Variants in SND1 observed in about 807,000 individuals in gnomAD.
SND1 encodes staphylococcal nuclease and tudor domain containing 1, also known as staphylococcal nuclease domain-containing protein 1.
SND1 carries 38 observed loss-of-function variants against 121.7 expected under a neutral mutation model. The ratio of observed to expected loss-of-function variants is 0.31; its 90% CI spans 0.24 to 0.41. The LOEUF is 0.41. Ranked by LOEUF, SND1 falls within the 10% of genes least tolerant of loss-of-function variation. SND1 has a pLI of 1.00. For synonymous variants in SND1, 401 were observed against 447.4 expected, an observed-to-expected ratio of 0.90 and a Z score of 1.31; for missense variants, 868 against 1,184.6, an observed-to-expected ratio of 0.73 and a Z score of 3.92.
intron 15 of SND1, among the ~76,000 whole-genome samples, chr7:127,961,787 C>T (rs762541383): frequency 6.6e-6 from 1 of 152,174 alleles, no homozygotes; most frequent in African/African-American, 2.4e-5. Context: ...ATGCCAGTGT[C>T]CACTCCCTCG....
chr7:128,020,731 G>A lies in SND1; in HGVS notation c.1779+29675G>A, dbSNP rs150815574. On this transcript the variant is annotated intron_variant, in intron 16 of 23. Transcript: ENST00000354725. Reference sequence around the variant, plus strand: ...TGGATGTGGACTTACACATGAAGGGGGAAGGATTAAGGAAAGGGAAAGCCT... The same window carrying A: ...TGGATGTGGACTTACACATGAAGGGAGAAGGATTAAGGAAAGGGAAAGCCT... Among the ~76,000 whole-genome samples the A allele has an allele frequency of 3.9e-5, 6 of 152,134 alleles. No individual in the cohort carries two copies. The East Asian group carries it at 7.7e-4, about 20-fold the overall frequency.
In SND1 at chr7:127,981,769, C is replaced by T. The variant is rs77559594; in HGVS notation, c.1670-9178C>T. Among the ~76,000 whole-genome samples the T allele has an allele frequency of 5.9e-3, 895 of 152,266 alleles. 15 individuals are homozygous for T. Among genetic ancestry groups the T allele is most frequent in the African/African-American group, 0.021 (853 of 41,526 alleles). On this transcript the variant is annotated intron_variant, in intron 15 of 23. Transcript: ENST00000354725. ...GAGAGCAAGATATTCAGTATAAGGC[C>T]TCTAAGTCATCCCTTCCTTGCCTCT...
chr7:127,799,180 C>T (rs1000926683), intron 10 of SND1, among the ~76,000 whole-genome samples: 1 of 152,172 alleles, frequency 6.6e-6, no homozygotes, highest in Non-Finnish European at 1.5e-5. Flanking sequence ...TGACAACCAC[C>T]GACAGGTGGT....
intron 10 of SND1, among the ~76,000 whole-genome samples, chr7:127,772,127 C>T (rs548906521): frequency 6.6e-6 from 1 of 152,232 alleles, no homozygotes; most frequent in Admixed American, 6.5e-5. Flanking sequence ...ACATATATGT[C>T]AGTGAAAACT....
intron 15 of SND1, among the ~76,000 whole-genome samples, chr7:127,955,691 T>C (rs745360003): frequency 5.3e-5 from 8 of 152,158 alleles, no homozygotes; most frequent in Non-Finnish European, 1.0e-4. Flanking sequence ...ATAGAATCAG[T>C]TTATTCCAGT....
At chr7:127,776,670 G>A (rs1797625815) in intron 10 of SND1, among the ~76,000 whole-genome samples, 1 of 152,166 alleles carries the variant, frequency 6.6e-6, no homozygotes, top group African/African-American at 2.4e-5. Flanking sequence ...AAGAAATTAA[G>A]GAGAAGAGAG....
intron 15 of SND1, among the ~76,000 whole-genome samples, chr7:127,960,438 A>G (rs1185837517): frequency 6.6e-6 from 1 of 152,202 alleles, no homozygotes; most frequent in Non-Finnish European, 1.5e-5. Flanking sequence ...GGAGGTTGAT[A>G]CTGTTCCTCC....
intron 11 of SND1, among the ~76,000 whole-genome samples, chr7:127,837,144 C>T (rs909114171): frequency 5.3e-5 from 8 of 151,982 alleles, no homozygotes; most frequent in African/African-American, 1.7e-4. Context: ...ATAAAACATA[C>T]GTTCACAGGG....
chr7:127,780,222 CTTATGTGTT>C (rs1797695797), intron 10 of SND1, among the ~76,000 whole-genome samples: 1 of 152,132 alleles, frequency 6.6e-6, no homozygotes, highest in Non-Finnish European at 1.5e-5. Flanking sequence ...GTTTTGGTTT[CTTATGTGTT>C]TTATATGTTT....
Position 127,779,418 on chromosome 7 carries a change from A to G in SND1, c.1153-28066A>G, listed in dbSNP as rs1037806204. On this transcript the variant is annotated intron_variant, in intron 10 of 23. Transcript: ENST00000354725. Reference sequence around the variant, plus strand: ...ATGTATGGCTGCTACATTAATCCTGAACTACACCTCTGATTCTGCCACTCT... The same window carrying G: ...ATGTATGGCTGCTACATTAATCCTGGACTACACCTCTGATTCTGCCACTCT... 4.6e-5 allele frequency among the ~76,000 whole-genome samples: 7 copies of G among 152,346 alleles called. No homozygotes were observed. The South Asian group carries it at 1.5e-3, about 32-fold the overall frequency.
At chr7:127,954,110 A>T (rs1005475140) in intron 15 of SND1, among the ~76,000 whole-genome samples, 5 of 152,320 alleles carry the variant, frequency 3.3e-5, no homozygotes, top group African/African-American at 1.2e-4. Flanking sequence ...TAGGGTGGCT[A>T]TGTGAGCACC....
intron 10 of SND1, among the ~76,000 whole-genome samples, chr7:127,722,768 G>C (rs1216785314): frequency 6.6e-6 from 1 of 152,112 alleles, no homozygotes; most frequent in African/African-American, 2.4e-5. Flanking sequence ...ACCACGTACA[G>C]GATGGGTGAT....
chr7:127,858,276 C>T, intron 12 of SND1: 1 of 821,540 alleles, frequency 1.2e-6, no homozygotes, highest in Non-Finnish European at 2.0e-6. Flanking sequence ...GAGAGCCGGT[C>T]CGGGCACTGC....
At chr7:127,969,793 A>G (rs2116883760) in intron 15 of SND1, among the ~76,000 whole-genome samples, 1 of 152,324 alleles carries the variant, frequency 6.6e-6, no homozygotes, top group African/African-American at 2.4e-5. Flanking sequence ...TTTTTGAGGG[A>G]TGCACTTTAC....
intron 10 of SND1, among the ~76,000 whole-genome samples, chr7:127,795,849 TTTA>T (rs1467442654): frequency 1.3e-5 from 2 of 151,848 alleles, no homozygotes; most frequent in Non-Finnish European, 2.9e-5. Flanking sequence ...TATTTATTTA[TTTA>T]TTTATTTTAT....
intron 16 of SND1, among the ~76,000 whole-genome samples, chr7:128,067,605 C>T (rs375159028): frequency 6.6e-6 from 1 of 152,178 alleles, no homozygotes; most frequent in African/African-American, 2.4e-5. Flanking sequence ...AGCCCACCTT[C>T]CTTGGTACGG....
intron 10 of SND1, among the ~76,000 whole-genome samples, chr7:127,800,461 C>CT (rs909000531): frequency 8.6e-5 from 13 of 151,918 alleles, no homozygotes; most frequent in Non-Finnish European, 1.6e-4. Flanking sequence ...GAAGAGTATC[C>CT]TTTTTTTGAG....
intron 16 of SND1, among the ~76,000 whole-genome samples, chr7:128,023,702 C>T (rs1399905985): frequency 1.3e-5 from 2 of 152,128 alleles, no homozygotes; most frequent in Non-Finnish European, 2.9e-5. Flanking sequence ...TGGAGTAGCA[C>T]AATAGGCATG....
At chr7:127,879,396 A>G (rs140296514) in intron 12 of SND1, among the ~76,000 whole-genome samples, 1 of 152,224 alleles carries the variant, frequency 6.6e-6, no homozygotes, top group African/African-American at 2.4e-5. Context: ...GTCTTTTGGG[A>G]TAGGTAGCCC....
Sources: allele counts gnomAD v4.1 joint callset (sites outside exome capture counted in the v4.1 genomes callset), GRCh38; gene constraint gnomAD v4.1.1; transcripts MANE v1.5; gene names NCBI Gene and HGNC (gene_info 2026-07-23, HGNC 2026-07-21).